XRCC6: variants seen among roughly 807,000 people sequenced by gnomAD.
XRCC6 encodes DNA repair protein Ku70.
Under a neutral mutation model 65.7 loss-of-function variants are expected in XRCC6, and 5 were observed. The ratio of observed to expected loss-of-function variants is 0.08; its 90% CI spans 0.04 to 0.16. The LOEUF (loss-of-function observed/expected upper bound fraction) is 0.16, where lower values mean the gene tolerates loss of function less well. Ranked by LOEUF, XRCC6 falls within the 10% of genes least tolerant of loss-of-function variation. The pLI is 1.00. For missense variants in XRCC6, 447 were observed against 738.1 expected (o/e 0.61, Z 4.57); for synonymous variants, 270 against 270.6 (o/e 1.00, Z 0.02).
At position 41,660,966 on chromosome 22, in the gene XRCC6, G is replaced by A. The variant is rs972862500; in HGVS notation, c.1523-365G>A. Among the ~76,000 whole-genome samples, 10 of 151,596 alleles carry A rather than the reference G, an allele frequency of 6.6e-5. No homozygotes were observed. In the East Asian group the frequency reaches 1.2e-3, roughly 18 times the overall value. The stretch of plus-strand genomic sequence containing the variant: ...GGAGAATCGCTTGAACCAGGGAGTC[G>A]GAGGTTGCAGTGAGCCAAGATCGCG... On this transcript the variant is annotated intron_variant, in intron 11 of 12. Transcript: ENST00000360079.
chr22:41,648,380 A>G (rs1057023708), intron 7 of XRCC6, among the ~76,000 whole-genome samples: 3 of 152,160 alleles, frequency 2.0e-5, no homozygotes, highest in African/African-American at 7.2e-5. Flanking sequence ...TTGCTCAGGT[A>G]CAATAGCAGA....
At chr22:41,624,488 C>T (rs1290003476) in intron 2 of XRCC6, among the ~76,000 whole-genome samples, 1 of 151,110 alleles carries the variant, frequency 6.6e-6, no homozygotes, top group African/African-American at 2.4e-5. Context: ...AGATAGAGAC[C>T]ATCCTGACTA....
At chr22:41,647,640 C>A (rs1353979640) in intron 7 of XRCC6, among the ~76,000 whole-genome samples, 1 of 152,046 alleles carries the variant, frequency 6.6e-6, no homozygotes, top group African/African-American at 2.4e-5. Context: ...TGTCAAACTC[C>A]TGGTCTTAAG....
chr22:41,622,320 C>T (rs1281385429), intron 2 of XRCC6, among the ~76,000 whole-genome samples: 1 of 152,124 alleles, frequency 6.6e-6, no homozygotes, highest in African/African-American at 2.4e-5. Context: ...CTTTTGGTCC[C>T]TGATAAATGG....
chr22:41,638,283 C>G (rs767835895), intron 6 of XRCC6, among the ~76,000 whole-genome samples: 1 of 152,066 alleles, frequency 6.6e-6, no homozygotes, highest in Non-Finnish European at 1.5e-5. Context: ...CTTAGAATTG[C>G]GTCATTAGGC....
intron 7 of XRCC6, 120 bp from the exon 8 acceptor site, chr22:41,650,603 G>C (rs1211227168): frequency 2.0e-6 from 2 of 1,022,744 alleles, no homozygotes; most frequent in South Asian, 3.1e-5. Context: ...TGCCCCAGGT[G>C]AGCCATCTTC....
chr22:41,636,595 A>T lies in XRCC6; in HGVS notation c.414A>T (p.Gly138=), dbSNP rs771289799. 6.2e-7 allele frequency: 1 copy of T among 1,614,038 alleles called. No individual in the cohort carries two copies. The change falls in exon 5 of 13, where the codon GGA becomes GGT. Residue 138 remains glycine (G), a synonymous_variant. Transcript: ENST00000360079. ...GTTTCCAAGACATGATGGGCCACGG[A>T]TCTGACTACTCACTCAGTGAAGTGC... ...QKRFQDMMGH[G]SDYSLSEVLW... is the part of the protein sequence containing the mutation.
chr22:41,663,117 T>A (rs1427787130), intron 12 of XRCC6, among the ~76,000 whole-genome samples: 1 of 152,142 alleles, frequency 6.6e-6, no homozygotes, highest in Non-Finnish European at 1.5e-5. Flanking sequence ...TTTTTGTTTT[T>A]AGACAGTCTT....
intron 6 of XRCC6, among the ~76,000 whole-genome samples, chr22:41,640,216 T>TTG (rs2067860964): frequency 6.6e-6 from 1 of 151,854 alleles, no homozygotes; most frequent in Admixed American, 6.6e-5. Flanking sequence ...TGGCGTGATC[T>TTG]CAGCTCACTA....
At chr22:41,639,493 T>C (rs2147088970) in intron 6 of XRCC6, among the ~76,000 whole-genome samples, 1 of 151,120 alleles carries the variant, frequency 6.6e-6, no homozygotes, top group East Asian at 2.0e-4. Flanking sequence ...GCCACCATGC[T>C]CTGCTGATTA....
intron 2 of XRCC6, among the ~76,000 whole-genome samples, chr22:41,623,251 A>AT (rs960034295): frequency 9.6e-4 from 146 of 151,938 alleles, no homozygotes; most frequent in African/African-American, 3.4e-3. Context: ...TAATTTCTTA[A>AT]TTTTTTGTAG....
At position 41,653,574 on chromosome 22, in the gene XRCC6, A is replaced by C; in HGVS notation, c.1175A>C (p.Lys392Thr). 1 of 1,613,936 alleles carries C rather than the reference A, an allele frequency of 6.2e-7. No homozygotes were observed. The highest frequency in any genetic ancestry group is 8.5e-7 in the Non-Finnish European group (1 of 1,179,874). ...GCTCTGCTCATCAAGTGTCTGGAGA[A>C]GGAGGTTGCAGCATTGTGCAGATAC... Reference protein sequence around the residue: ...FSALLIKCLEKEVAALCRYTP... With the variant: ...FSALLIKCLETEVAALCRYTP... Residue 392 changes from lysine (K) to threonine (T), a missense_variant, in exon 9 of 13, where the codon AAG (lysine) becomes ACG (threonine). Transcript: ENST00000360079.
chr22:41,647,625 G>A (rs1320613548), intron 7 of XRCC6, among the ~76,000 whole-genome samples: 4 of 152,062 alleles, frequency 2.6e-5, no homozygotes, highest in Non-Finnish European at 5.9e-5. Flanking sequence ...TGTTGCCTGG[G>A]CTGGTGTCAA....
intron 7 of XRCC6, 69 bp downstream of exon 7, chr22:41,647,151 T>G: frequency 6.5e-7 from 1 of 1,539,018 alleles, no homozygotes; most frequent in Admixed American, 1.8e-5. Flanking sequence ...CAGGCTGGAG[T>G]GCAGTGGGGC....
chr22:41,643,185 C>T (rs961733497), intron 6 of XRCC6, among the ~76,000 whole-genome samples: 8 of 149,574 alleles, frequency 5.3e-5, no homozygotes, highest in South Asian at 4.3e-4. Context: ...GCCAAGGGGG[C>T]GGATCATGAG....
At chr22:41,660,500 G>T (rs745644307) in intron 11 of XRCC6, among the ~76,000 whole-genome samples, 1 of 151,998 alleles carries the variant, frequency 6.6e-6, no homozygotes, top group African/African-American at 2.4e-5. Flanking sequence ...CCCTCTTTCA[G>T]TTCACCCTCC....
chr22:41,663,472 G>A, intron 12 of XRCC6, 150 bp from the exon 13 acceptor site: 1 of 817,322 alleles, frequency 1.2e-6, no homozygotes, highest in East Asian at 2.5e-5. Context: ...CTACCTTATC[G>A]AGATAAGTCT....
At position 41,656,792 on chromosome 22, in the gene XRCC6, C is replaced by T. The variant is rs769586897; in HGVS notation, c.1292-111C>T. On this transcript the variant is annotated intron_variant, in intron 9 of 12. Transcript: ENST00000360079. ...GGTGGAGTTCAAGAAATGGGGCCTA[C>T]GGGGCCCCAGCCCCAGCACCACAGG... 1.6e-4 allele frequency: 237 copies of T among 1,459,310 alleles called. 1 individual carries two copies. The highest frequency in any genetic ancestry group is 5.0e-4 in the Middle Eastern group (2 of 3,994). The allele number at this position is 1,459,310 out of a possible 1,614,324, so 90.4% of individuals were successfully genotyped here. A position where few individuals can be genotyped will look rare whatever the true frequency, so the allele number is the denominator to read the frequency against.
intron 3 of XRCC6, among the ~76,000 whole-genome samples, chr22:41,628,794 C>G (rs562904823): frequency 5.4e-4 from 82 of 151,946 alleles, no homozygotes; most frequent in Non-Finnish European, 1.1e-3. Flanking sequence ...GAAACCCTGT[C>G]TCTACTAACA....
Sources: allele counts gnomAD v4.1 joint callset (sites outside exome capture counted in the v4.1 genomes callset), GRCh38; gene constraint gnomAD v4.1.1; transcripts MANE v1.5; gene names NCBI Gene and HGNC (gene_info 2026-07-23, HGNC 2026-07-21).